NAALADL2: variants seen among roughly 807,000 people sequenced by gnomAD.
NAALADL2 encodes inactive N-acetylated-alpha-linked acidic dipeptidase-like protein 2.
In NAALADL2, 76 loss-of-function variants were observed where a neutral mutation model predicts 87.2. The ratio of observed to expected loss-of-function variants is 0.87; its 90% CI spans 0.72 to 1.05. The LOEUF (loss-of-function observed/expected upper bound fraction) is 1.05, where lower values mean the gene tolerates loss of function less well. NAALADL2 is among the 50% of genes least tolerant of loss of function. The pLI, the probability that NAALADL2 is intolerant of heterozygous loss-of-function variation, is 0.00. For synonymous variants in NAALADL2, 354 were observed against 331.0 expected (o/e 1.07, Z -0.75); for missense variants, 1,089 against 945.8 (o/e 1.15, Z -1.99).
intron 6 of NAALADL2, among the ~76,000 whole-genome samples, chr3:175,462,884 C>G (rs934781244): frequency 6.6e-6 from 1 of 152,108 alleles, no homozygotes; most frequent in African/African-American, 2.4e-5. Flanking sequence ...AAAACATGTA[C>G]AGCTTTAAGA....
At chr3:175,095,855 C>T in intron 1 of NAALADL2, among the ~76,000 whole-genome samples, 1 of 152,050 alleles carries the variant, frequency 6.6e-6, no homozygotes, top group Non-Finnish European at 1.5e-5. Flanking sequence ...AGTATAAATA[C>T]TCTTAATCTG....
At chr3:175,656,474 T>A (rs199750790) in intron 11 of NAALADL2, among the ~76,000 whole-genome samples, 1 of 152,304 alleles carries the variant, frequency 6.6e-6, no homozygotes, top group East Asian at 1.9e-4. Context: ...GAATTCACTG[T>A]CAGGAATTTT....
chr3:175,638,610 G>A (rs1728860665), intron 11 of NAALADL2, among the ~76,000 whole-genome samples: 1 of 152,074 alleles, frequency 6.6e-6, no homozygotes, highest in African/African-American at 2.4e-5. Context: ...GGATTGCACA[G>A]GTATAGCTTC....
At chr3:174,623,204 T>C (rs984188508) in intron 2 of NAALADL2, among the ~76,000 whole-genome samples, 2 of 152,238 alleles carry the variant, frequency 1.3e-5, no homozygotes, top group African/African-American at 4.8e-5. Flanking sequence ...ACTGTTCACA[T>C]TGATTAGCAT....
Position 175,025,870 on chromosome 3 carries a change from C to T in NAALADL2, c.44-70920C>T, listed in dbSNP as rs369460091. Among the ~76,000 whole-genome samples, 5 of 152,154 alleles carry T rather than the reference C, an allele frequency of 3.3e-5. No individual in the cohort carries two copies. The East Asian group carries it at 7.7e-4, about 24-fold the overall frequency. The stretch of plus-strand genomic sequence containing the variant: ...TGTCACCCAGGCTGGAGTGCAGTGG[C>T]GTGATCTTAGCTCACTGCAGCCTCC... On this transcript the variant is annotated intron_variant, in intron 1 of 13. Coordinates refer to ENST00000454872, the MANE Select transcript of NAALADL2 (RefSeq NM_207015.3).
chr3:175,355,647 G>T (rs1166715465), intron 5 of NAALADL2, among the ~76,000 whole-genome samples: 1 of 152,068 alleles, frequency 6.6e-6, no homozygotes, highest in East Asian at 1.9e-4. Context: ...CAGAAATCCT[G>T]CTCTTTCTCA....
chr3:175,538,460 A>G (rs909618062), intron 9 of NAALADL2, among the ~76,000 whole-genome samples: 11 of 152,146 alleles, frequency 7.2e-5, no homozygotes, highest in African/African-American at 2.7e-4. Context: ...AAGAAATATA[A>G]TGGTGTCTAC....
intron 1 of NAALADL2, among the ~76,000 whole-genome samples, chr3:175,026,724 T>C (rs1752277114): frequency 6.6e-6 from 1 of 151,694 alleles, no homozygotes; most frequent in Non-Finnish European, 1.5e-5. Context: ...AAAAAATATC[T>C]CTGGTTTAAA....
intron 1 of NAALADL2, among the ~76,000 whole-genome samples, chr3:174,967,385 A>G (rs1032354092): frequency 2.6e-5 from 4 of 151,876 alleles, no homozygotes; most frequent in African/African-American, 4.8e-5. Flanking sequence ...AAAAAAAAAA[A>G]AAGAAAAAAG....
At chr3:175,195,563 G>T (rs1323885139) in intron 2 of NAALADL2, among the ~76,000 whole-genome samples, 3 of 151,826 alleles carry the variant, frequency 2.0e-5, no homozygotes, top group South Asian at 4.1e-4. Context: ...AATACCCTGA[G>T]ATGGGAACAT....
At chr3:174,781,780 T>G (rs1716014791) in intron 3 of NAALADL2, among the ~76,000 whole-genome samples, 1 of 151,970 alleles carries the variant, frequency 6.6e-6, no homozygotes, top group South Asian at 2.1e-4. Flanking sequence ...GTCATGATTT[T>G]GTAGAGGAGT....
At chr3:174,778,596 T>A (rs897222828) in intron 3 of NAALADL2, among the ~76,000 whole-genome samples, 4 of 152,044 alleles carry the variant, frequency 2.6e-5, no homozygotes, top group African/African-American at 9.7e-5. Flanking sequence ...GTCATCTACA[T>A]TGTGTATGTC....
In NAALADL2 at chr3:174,554,038, G is replaced by A. The variant is rs555169669; in HGVS notation, c.-115+3401G>A. 3.3e-5 allele frequency among the ~76,000 whole-genome samples: 5 copies of A among 152,114 alleles called. 1 individual carries two copies. Among genetic ancestry groups the A allele is most frequent in the South Asian group, 2.1e-4 (1 of 4,828 alleles). On this transcript the variant is annotated intron_variant, in intron 2 of 3. Coordinates refer to the NAALADL2 transcript ENST00000434257. Reference sequence around the variant, plus strand: ...TTTCTGTTTTAAAGAAGTCAGAACTGACATTGTTGATGAAATTATACAATC... The same window carrying A: ...TTTCTGTTTTAAAGAAGTCAGAACTAACATTGTTGATGAAATTATACAATC...
chr3:175,716,148 T>TATATATA, intron 11 of NAALADL2, among the ~76,000 whole-genome samples: 1 of 146,370 alleles, frequency 6.8e-6, no homozygotes, highest in African/African-American at 2.5e-5. Context: ...GAATACATGT[T>TATATATA]ATATATAATA....
chr3:174,725,253 C>G (rs1054399533), intron 2 of NAALADL2, among the ~76,000 whole-genome samples: 2 of 152,168 alleles, frequency 1.3e-5, no homozygotes, highest in Non-Finnish European at 2.9e-5. Flanking sequence ...CTTGGCAAAA[C>G]TATAACATAA....
intron 12 of NAALADL2, among the ~76,000 whole-genome samples, chr3:175,747,363 CATTG>C (rs1481137161): frequency 8.5e-5 from 13 of 152,190 alleles, no homozygotes; most frequent in African/African-American, 3.1e-4. Context: ...TGTGACACTA[CATTG>C]ATTGAAATCT....
Position 174,632,086 on chromosome 3 carries a change from G to A in NAALADL2, c.-115+81449G>A, listed in dbSNP as rs190633449. On this transcript the variant is annotated intron_variant, in intron 2 of 3. Transcript: ENST00000434257. ...CTGTAGAACAAAATAGACAACCTTT[G>A]GTTGGGGTGAATCTTTTATTGAGAA... is the stretch of plus-strand genomic sequence containing the variant. 9.2e-5 allele frequency: 14 copies of A among 152,350 alleles called. No homozygotes were observed. The East Asian group carries it at 2.5e-3, about 27-fold the overall frequency. The allele number at this position is 152,350 out of a possible 1,614,324, so 9.4% of individuals were successfully genotyped here.
At chr3:175,234,923 A>C (rs1745570023) in intron 3 of NAALADL2, 2 of 152,182 alleles carry the variant, frequency 1.3e-5, no homozygotes, top group Admixed American at 1.3e-4. Flanking sequence ...ATATATGTAA[A>C]TCTAGGAGGA....
intron 2 of NAALADL2, among the ~76,000 whole-genome samples, chr3:174,627,353 C>T (rs936578220): frequency 1.6e-4 from 24 of 152,032 alleles, no homozygotes; most frequent in Non-Finnish European, 3.2e-4. Flanking sequence ...CTCTAATCAT[C>T]AGAGGAATGC....
Sources: gnomAD v4.1 joint callset for allele counts (sites outside exome capture counted in the v4.1 genomes callset) on GRCh38, gnomAD v4.1.1 for gene constraint, MANE v1.5 for transcripts, NCBI Gene and HGNC (gene_info 2026-07-23, HGNC 2026-07-21) for gene names.